Variants in PRDM6 observed in about 807,000 individuals in gnomAD.
PRDM6 encodes the protein PR/SET domain 6.
A neutral mutation model predicts 60.8 loss-of-function variants in PRDM6; 25 were observed. That is an observed-to-expected ratio of 0.41 (90% confidence interval 0.30 to 0.57). The LOEUF is 0.57. PRDM6 is among the 20% of genes least tolerant of loss of function. The pLI is 0.27. For synonymous variants in PRDM6, 407 were observed against 357.4 expected, an observed-to-expected ratio of 1.14 and a Z score of -1.57; for missense variants, 839 against 821.3, an observed-to-expected ratio of 1.02 and a Z score of -0.26.
At chr5:123,130,033 T>TCCCTG (rs1275270083) in intron 3 of PRDM6, among the ~76,000 whole-genome samples, 1 of 139,444 alleles carries the variant, frequency 7.2e-6, no homozygotes, top group African/African-American at 2.7e-5. Context: ...TCCCTTCCCT[T>TCCCTG]CCCTGTCCTT....
At chr5:123,154,101 A>G (rs1765438456) in intron 3 of PRDM6, among the ~76,000 whole-genome samples, 1 of 151,812 alleles carries the variant, frequency 6.6e-6, no homozygotes, top group Non-Finnish European at 1.5e-5. Flanking sequence ...TGTCAACAAC[A>G]GTTTCAGAGT....
At chr5:123,113,121 A>G (rs335184) in intron 3 of PRDM6, among the ~76,000 whole-genome samples, 24,409 of 151,998 alleles carry the variant, frequency 0.16, 2,172 homozygotes, top group Non-Finnish European at 0.21. Flanking sequence ...TTTTCTTTTA[A>G]TCACATCTTC....
chr5:123,159,813 G>T (rs904564787), intron 5 of PRDM6, among the ~76,000 whole-genome samples, 175 bp downstream of exon 5: 5 of 152,050 alleles, frequency 3.3e-5, no homozygotes, highest in Admixed American at 2.0e-4. Flanking sequence ...TTTCTCTAGG[G>T]CATCTTAACC....
At chr5:123,115,651 T>C (rs1764422993) in intron 3 of PRDM6, among the ~76,000 whole-genome samples, 1 of 152,238 alleles carries the variant, frequency 6.6e-6, no homozygotes, top group African/African-American at 2.4e-5. Context: ...TTTCTTTAAA[T>C]TCATAGATGA....
rs1766340995 is a variant in PRDM6, at chr5:123,188,672, T to C, written c.*1471T>C. On this transcript the variant is annotated 3_prime_UTR_variant, in exon 8 of 8. Transcript: ENST00000407847. The stretch of plus-strand genomic sequence containing the variant: ...ATCAGGACACAGTCTTTTAAGGAAC[T>C]CCTTGTCTTTGAGCTTTCCCATTGT... The C allele has an allele frequency of 6.6e-6, 1 of 152,206 alleles. No homozygotes were observed. Among genetic ancestry groups the C allele is most frequent in the Admixed American group, 6.5e-5 (1 of 15,288 alleles). 9.4% of individuals were successfully genotyped at this position (152,206 alleles called of 1,614,324 possible). A position where few individuals can be genotyped will look rare whatever the true frequency, so the allele number is the denominator to read the frequency against.
At chr5:123,149,258 G>A (rs1254987565) in intron 3 of PRDM6, among the ~76,000 whole-genome samples, 1 of 152,194 alleles carries the variant, frequency 6.6e-6, no homozygotes, top group Non-Finnish European at 1.5e-5. Context: ...CTGGGGAGCA[G>A]TGCTGGATCT....
intron 3 of PRDM6, among the ~76,000 whole-genome samples, chr5:123,151,726 T>TC (rs5871031): frequency 0.69 from 105,502 of 151,856 alleles, 36,806 homozygotes; most frequent in Non-Finnish European, 0.73. Context: ...GGAGGCCTTA[T>TC]CTACTGGAGG....
chr5:123,114,503 G>T (rs1764389271), intron 3 of PRDM6, among the ~76,000 whole-genome samples: 1 of 152,172 alleles, frequency 6.6e-6, no homozygotes, highest in African/African-American at 2.4e-5. Flanking sequence ...TTGAGGTTTT[G>T]CTTTCTCTCC....
At position 123,180,230 on chromosome 5, in the gene PRDM6, G is replaced by T; in HGVS notation, c.1580G>T (p.Arg527Leu). 6.4e-7 allele frequency: 1 copy of T among 1,551,974 alleles called. No individual in the cohort carries two copies. Among genetic ancestry groups the T allele is most frequent in the Non-Finnish European group, 8.7e-7 (1 of 1,147,070 alleles). ...RNHVVTHSSD[R>L]PFKCGYCGRA... ...CACGTGGTCACTCACTCTAGTGACCGGCCTTTCAAGTGCGGCTACTGTGGT... is the reference window on the plus strand; with the variant it reads ...CACGTGGTCACTCACTCTAGTGACCTGCCTTTCAAGTGCGGCTACTGTGGT... Residue 527 changes from arginine to leucine, a missense_variant, in exon 7 of 8, where the codon CGG becomes CTG. By Grantham distance (102) the Arg-to-Leu change is moderately radical. Coordinates refer to ENST00000407847, the MANE Select transcript of PRDM6 (RefSeq NM_001136239.4).
intron 3 of PRDM6, among the ~76,000 whole-genome samples, chr5:123,113,582 A>G (rs1667084167): frequency 6.6e-6 from 1 of 152,222 alleles, no homozygotes; most frequent in Non-Finnish European, 1.5e-5. Flanking sequence ...TAGTAAAGGC[A>G]GGATTTCCAT....
chr5:123,176,207 A>G, intron 6 of PRDM6, among the ~76,000 whole-genome samples: 1 of 145,932 alleles, frequency 6.9e-6, no homozygotes, highest in East Asian at 2.3e-4. Context: ...TGGCTCCAGT[A>G]TTGGCTAGCT....
chr5:123,102,910 T>C lies in PRDM6; in HGVS notation c.900+2949T>C, dbSNP rs145313600. 2.2e-4 allele frequency among the ~76,000 whole-genome samples: 34 copies of C among 152,198 alleles called. No individual in the cohort carries two copies. The East Asian group carries it at 6.2e-3, about 28-fold the overall frequency. On this transcript the variant is annotated intron_variant, in intron 3 of 7. Coordinates refer to ENST00000407847, the MANE Select transcript of PRDM6 (RefSeq NM_001136239.4). Reference sequence around the variant, plus strand: ...GTATGGTTGTACTTTATTATACACATGAAGGCTTATTACAGAAACAATCAG... The same window carrying C: ...GTATGGTTGTACTTTATTATACACACGAAGGCTTATTACAGAAACAATCAG...
intron 6 of PRDM6, among the ~76,000 whole-genome samples, chr5:123,179,475 A>G (rs1405714432): frequency 6.6e-6 from 1 of 152,224 alleles, no homozygotes; most frequent in Non-Finnish European, 1.5e-5. Flanking sequence ...CTGGGTGTAC[A>G]TCTGTGTTCA....
At position 123,192,092 on chromosome 5, in the gene PRDM6, C is replaced by T. The variant is rs1297466489; in HGVS notation, c.*4891C>T. ...ATATGCCACCACTGCACTTAGAAAACCTATGGAGGAAATTTTAATGGAAAA... is the reference window on the plus strand; with the variant it reads ...ATATGCCACCACTGCACTTAGAAAATCTATGGAGGAAATTTTAATGGAAAA... On this transcript the variant is annotated 3_prime_UTR_variant, in exon 8 of 8. Transcript: ENST00000407847. 6.6e-6 allele frequency: 1 copy of T among 152,128 alleles called. No homozygotes were observed. The highest frequency in any genetic ancestry group is 2.4e-5 in the African/African-American group (1 of 41,428). 9.4% of individuals were successfully genotyped at this position (152,128 alleles called of 1,614,324 possible). A position where few individuals can be genotyped will look rare whatever the true frequency, so the allele number is the denominator to read the frequency against.
chr5:123,132,960 G>A (rs1161461070), intron 3 of PRDM6, among the ~76,000 whole-genome samples: 3 of 151,892 alleles, frequency 2.0e-5, no homozygotes, highest in African/African-American at 7.3e-5. Context: ...ACTATTCTCT[G>A]ACAAAAAGTA....
intron 3 of PRDM6, among the ~76,000 whole-genome samples, chr5:123,130,454 G>A (rs1477877689): frequency 6.6e-6 from 1 of 150,630 alleles, no homozygotes; most frequent in African/African-American, 2.4e-5. Flanking sequence ...TCAAGCATGA[G>A]GAATAACTAT....
chr5:123,163,125 A>G (rs1445704002), intron 5 of PRDM6, among the ~76,000 whole-genome samples: 4 of 152,198 alleles, frequency 2.6e-5, no homozygotes, highest in Non-Finnish European at 5.9e-5. Flanking sequence ...GCCTCTTTAT[A>G]GGGCTCTGCG....
intron 3 of PRDM6, among the ~76,000 whole-genome samples, chr5:123,131,234 G>A (rs1486302733): frequency 6.6e-6 from 1 of 152,136 alleles, no homozygotes; most frequent in Non-Finnish European, 1.5e-5. Flanking sequence ...CAAAAATACT[G>A]TTAGGAGGAA....
chr5:123,111,295 G>A (rs567703878), intron 3 of PRDM6, among the ~76,000 whole-genome samples: 62 of 152,320 alleles, frequency 4.1e-4, no homozygotes, highest in Non-Finnish European at 6.8e-4. Flanking sequence ...CAAGCATAGT[G>A]CAGTCTGGGG....
Sources: allele counts gnomAD v4.1 joint callset (sites outside exome capture counted in the v4.1 genomes callset), GRCh38; gene constraint gnomAD v4.1.1; transcripts MANE v1.5; gene names NCBI Gene and HGNC (gene_info 2026-07-23, HGNC 2026-07-21).